The following KLHL3 variants were observed in gnomAD, a reference collection of about 807,000 sequenced individuals.
KLHL3 encodes the protein kelch like family member 3.
KLHL3 carries 19 observed loss-of-function variants against 70.5 expected under a neutral mutation model. That is an observed-to-expected ratio of 0.27 (90% CI 0.19 to 0.40). KLHL3 has a LOEUF of 0.40. KLHL3 is among the 10% of genes least tolerant of loss of function. KLHL3 has a pLI of 1.00. For synonymous variants in KLHL3, 258 were observed against 290.3 expected (o/e 0.89, Z 1.13); for missense variants, 512 against 771.1 (o/e 0.66, Z 3.98).
chr5:137,630,812 C>T (rs1217288179), intron 12 of KLHL3, among the ~76,000 whole-genome samples: 1 of 152,128 alleles, frequency 6.6e-6, no homozygotes, highest in African/African-American at 2.4e-5. Flanking sequence ...AGTCCCGGGC[C>T]TCCTGACTTC....
chr5:137,690,851 G>C (rs1197718345), intron 5 of KLHL3, among the ~76,000 whole-genome samples: 1 of 152,200 alleles, frequency 6.6e-6, no homozygotes, highest in Non-Finnish European at 1.5e-5. Flanking sequence ...AGGAGACACG[G>C]AACAGAATAG....
intron 8 of KLHL3, among the ~76,000 whole-genome samples, chr5:137,657,557 C>T (rs553948878): frequency 6.6e-6 from 1 of 152,270 alleles, no homozygotes; most frequent in Admixed American, 6.5e-5. Flanking sequence ...CTGTGTCTTC[C>T]TTCCCTTTCC....
At chr5:137,721,323 GA>G (rs901196058) in intron 1 of KLHL3, 5 of 152,180 alleles carry the variant, frequency 3.3e-5, no homozygotes, top group African/African-American at 4.8e-5. Flanking sequence ...AATATCAAGA[GA>G]AAAAACTAGA....
intron 3 of KLHL3, among the ~76,000 whole-genome samples, chr5:137,698,907 T>C (rs554599598): frequency 6.6e-6 from 1 of 152,278 alleles, no homozygotes; most frequent in Non-Finnish European, 1.5e-5. Context: ...CTTAAGCACT[T>C]TAAAGTCTTT....
Position 137,706,430 on chromosome 5 carries a change from T to C in KLHL3, c.241+3320A>G, listed in dbSNP as rs934748416. ...AAAGCCAATGGGCCTTAAAAATATA[T>C]AAATCTTAGATATCTTGCTGATGGG... On this transcript the variant is annotated intron_variant, in intron 3 of 14. Transcript: ENST00000309755. The C allele has an allele frequency of 9.2e-5, 89 of 968,454 alleles. No individual in the cohort carries two copies. In the African/African-American group the frequency reaches 1.5e-3, roughly 16 times the overall value. The allele number at this position is 968,454 out of a possible 1,614,324, so 60.0% of individuals were successfully genotyped here.
rs771199911 is a variant in KLHL3, at chr5:137,698,418, AC to A, written c.242-11del. The A allele has an allele frequency of 1.9e-6, 3 of 1,614,014 alleles. No individual in the cohort carries two copies. The South Asian group carries it at 3.3e-5, about 18-fold the overall frequency. ...CTCTCAGACATGTCACCTAGAGTTT[AC>A]AACAAAAACAAAATGACATAAATGT... On this transcript the variant is annotated splice_polypyrimidine_tract_variant and intron_variant, in intron 3 of 14. Transcript: ENST00000309755.
At chr5:137,689,793 T>C (rs567895514) in intron 5 of KLHL3, among the ~76,000 whole-genome samples, 47 of 152,340 alleles carry the variant, frequency 3.1e-4, no homozygotes, top group African/African-American at 1.1e-3. Context: ...AACCTGCATA[T>C]GTACCTCTTG....
At chr5:137,677,752 G>A in intron 5 of KLHL3, 98 bp from the exon 6 acceptor site, 4 of 662,076 alleles carry the variant, frequency 6.0e-6, no homozygotes, top group Non-Finnish European at 9.8e-6. Flanking sequence ...GAGTCCTGGA[G>A]CAGGCCAGGG....
At chr5:137,690,940 T>C (rs1752306084) in intron 5 of KLHL3, among the ~76,000 whole-genome samples, 1 of 152,208 alleles carries the variant, frequency 6.6e-6, no homozygotes, top group Non-Finnish European at 1.5e-5. Flanking sequence ...ACTGAATTTA[T>C]CAAGTTAAAT....
At chr5:137,673,117 G>C (rs903547651) in intron 6 of KLHL3, among the ~76,000 whole-genome samples, 1 of 152,158 alleles carries the variant, frequency 6.6e-6, no homozygotes, top group Admixed American at 6.5e-5. Flanking sequence ...TTATCTATGA[G>C]GAACATCTGA....
chr5:137,667,274 T>TA (rs1160171799), intron 6 of KLHL3, among the ~76,000 whole-genome samples: 1 of 152,232 alleles, frequency 6.6e-6, no homozygotes, highest in Non-Finnish European at 1.5e-5. Context: ...CCCTGGTCTA[T>TA]AAAATCTAAG....
Position 137,639,272 on chromosome 5 carries a change from T to C in KLHL3, c.1022-122A>G. On this transcript the variant is annotated intron_variant, in intron 9 of 14. Transcript: ENST00000309755. The surrounding 1 kb of genome is among the most constrained non-coding windows in gnomAD (Gnocchi z 5.0). ...GTCGCCACCGAAGATACTTTAGGTA[T>C]TTGGCAGTCATTATGGGATTCACTG... The C allele has an allele frequency of 1.2e-6, 1 of 856,412 alleles. No individual in the cohort carries two copies. The highest frequency in any genetic ancestry group is 1.8e-6 in the Non-Finnish European group (1 of 546,070). The allele number at this position is 856,412 out of a possible 1,614,324, so 53.1% of individuals were successfully genotyped here.
chr5:137,663,982 C>T (rs930066702), intron 6 of KLHL3, among the ~76,000 whole-genome samples: 2 of 152,132 alleles, frequency 1.3e-5, no homozygotes, highest in East Asian at 3.8e-4. Context: ...TGGGCATATA[C>T]ATGTGTCAAA....
At chr5:137,638,828 G>T (rs1021400185) in intron 10 of KLHL3, 125 bp downstream of exon 10, 67 of 873,494 alleles carry the variant, frequency 7.7e-5, no homozygotes, top group Non-Finnish European at 1.1e-4. Flanking sequence ...AAGAAGAGTG[G>T]ATATGTCCCT....
chr5:137,628,732 GACAT>G lies in KLHL3; in HGVS notation c.1451-299_1451-296del, dbSNP rs71583283. On this transcript the variant is annotated intron_variant, in intron 12 of 14. Coordinates refer to ENST00000309755, the MANE Select transcript of KLHL3 (RefSeq NM_017415.3). ...ATATATACACACACACAGACAGACAGACATACATACATACATACATACATACATA... is the reference window on the plus strand; with the variant it reads ...ATATATACACACACACAGACAGACAGACATACATACATACATACATACATA... The G allele has an allele frequency of 5.7e-3, 781 of 137,120 alleles. 4 individuals are homozygous for G. The highest frequency in any genetic ancestry group is 0.019 in the African/African-American group (591 of 31,192). The allele number at this position is 137,120 out of a possible 1,614,324, so 8.5% of individuals were successfully genotyped here.
At position 137,690,418 on chromosome 5, in the gene KLHL3, C is replaced by T. The variant is rs1752291040; in HGVS notation, c.526+1867G>A. On this transcript the variant is annotated intron_variant, in intron 5 of 14. Coordinates refer to ENST00000309755, the MANE Select transcript of KLHL3 (RefSeq NM_017415.3). ...CCTCTTCAAAGGCTTCACTGGGAGC[C>T]CTCCCCAGGAAGAGAAAGGGCTCCC... Among the ~76,000 whole-genome samples the T allele has an allele frequency of 3.3e-5, 5 of 152,076 alleles. No individual in the cohort carries two copies. The South Asian group carries it at 8.3e-4, about 25-fold the overall frequency.
In KLHL3 at chr5:137,620,641, T is replaced by C. The variant is rs1200577893; in HGVS notation, c.*1457A>G. 6.6e-6 allele frequency: 1 copy of C among 152,222 alleles called. No individual in the cohort carries two copies. The highest frequency in any genetic ancestry group is 2.4e-5 in the African/African-American group (1 of 41,464). The allele number at this position is 152,222 out of a possible 1,614,324, so 9.4% of individuals were successfully genotyped here. On this transcript the variant is annotated 3_prime_UTR_variant, in exon 15 of 15. Coordinates refer to ENST00000309755, the MANE Select transcript of KLHL3 (RefSeq NM_017415.3). ...CAGCACAACTTTAAGGTTTTTTAAA[T>C]ACAAATTACTCCATGCCCCCTCAAA...
chr5:137,638,284 A>G (rs574833021), intron 10 of KLHL3, among the ~76,000 whole-genome samples: 100 of 152,324 alleles, frequency 6.6e-4, no homozygotes, highest in Non-Finnish European at 1.2e-3. Context: ...ACAAATAAAA[A>G]TTCAGCGAAG....
chr5:137,695,043 G>C (rs1752413436), intron 4 of KLHL3, among the ~76,000 whole-genome samples: 2 of 152,078 alleles, frequency 1.3e-5, no homozygotes, highest in Non-Finnish European at 2.9e-5. Context: ...GCATATACAA[G>C]ATCATGCCAG....
Sources: allele counts gnomAD v4.1 joint callset (sites outside exome capture counted in the v4.1 genomes callset), GRCh38; gene constraint gnomAD v4.1.1; non-coding constraint Gnocchi (gnomAD v3.1); transcripts MANE v1.5; gene names NCBI Gene and HGNC (gene_info 2026-07-23, HGNC 2026-07-21).